The following PHF14 variants were observed in gnomAD, a reference collection of about 807,000 sequenced individuals.
The protein encoded by PHF14 is PHD finger protein 14.
In PHF14, 55 loss-of-function variants were observed where a neutral mutation model predicts 117.9. The ratio of observed to expected loss-of-function variants is 0.47; its 90% CI spans 0.38 to 0.58. The LOEUF (loss-of-function observed/expected upper bound fraction) is 0.58. Among genes scored for constraint, PHF14 ranks in the 20% least tolerant of loss-of-function variants. The pLI, the probability that PHF14 is intolerant of heterozygous loss-of-function variation, is 0.00. For synonymous variants in PHF14, 409 were observed against 368.6 expected (o/e 1.11, Z -1.26); for missense variants, 978 against 1,122.2 (o/e 0.87, Z 1.84).
chr7:11,149,574 A>T (rs1788648803), intron 17 of PHF14, among the ~76,000 whole-genome samples: 1 of 152,204 alleles, frequency 6.6e-6, no homozygotes, highest in Non-Finnish European at 1.5e-5. Context: ...TATCTTTTGA[A>T]TGCAAATTAC....
chr7:11,093,508 G>A (rs1193192072), intron 16 of PHF14, among the ~76,000 whole-genome samples: 1 of 152,138 alleles, frequency 6.6e-6, no homozygotes, highest in African/African-American at 2.4e-5. Context: ...TGTGTTTCTG[G>A]TTGAGGTTGT....
chr7:11,060,236 A>G (rs1230875750), intron 14 of PHF14, among the ~76,000 whole-genome samples: 1 of 152,140 alleles, frequency 6.6e-6, no homozygotes, highest in African/African-American at 2.4e-5. Context: ...TTCTGATTTA[A>G]CCACTTATAA....
intron 14 of PHF14, among the ~76,000 whole-genome samples, chr7:11,059,081 G>T (rs1357880210): frequency 6.6e-6 from 1 of 152,006 alleles, no homozygotes; most frequent in Non-Finnish European, 1.5e-5. Flanking sequence ...TATATGAGAA[G>T]AAATTTATAA....
chr7:11,151,287 G>A (rs994495933), intron 17 of PHF14, among the ~76,000 whole-genome samples: 26 of 152,264 alleles, frequency 1.7e-4, no homozygotes, highest in Non-Finnish European at 3.8e-4. Flanking sequence ...CAGGCACAGT[G>A]TTTCTCACCT....
chr7:11,078,935 T>G (rs563816105), intron 16 of PHF14, among the ~76,000 whole-genome samples: 1 of 152,258 alleles, frequency 6.6e-6, no homozygotes, highest in South Asian at 2.1e-4. Context: ...ATTATCTACA[T>G]AAGTATTTTT....
chr7:11,072,113 G>A (rs1042151983), intron 16 of PHF14, among the ~76,000 whole-genome samples: 3 of 152,062 alleles, frequency 2.0e-5, no homozygotes, highest in South Asian at 2.1e-4. Flanking sequence ...ATTGACTTAC[G>A]GCTCTGCAGG....
At chr7:11,142,371 C>G (rs1788424719) in intron 17 of PHF14, among the ~76,000 whole-genome samples, 1 of 151,926 alleles carries the variant, frequency 6.6e-6, no homozygotes, top group Admixed American at 6.6e-5. Context: ...TGTGCCTGTT[C>G]TGTTTATATA....
At chr7:11,159,131 G>A (rs967628169) in intron 17 of PHF14, among the ~76,000 whole-genome samples, 17 of 152,116 alleles carry the variant, frequency 1.1e-4, no homozygotes, top group African/African-American at 9.6e-5. Context: ...GTGAAATCAA[G>A]TTCTTATGTA....
chr7:11,081,883 T>G (rs1272047859), intron 16 of PHF14, among the ~76,000 whole-genome samples: 1 of 152,072 alleles, frequency 6.6e-6, no homozygotes, highest in African/African-American at 2.4e-5. Flanking sequence ...TTTATGATCT[T>G]AATTTTTTAT....
rs575958567 is a variant in PHF14, at chr7:11,020,724, T to C, written c.1206-2144T>C. On this transcript the variant is annotated intron_variant, in intron 5 of 17. Transcript: ENST00000634607. ...TTAAAATTCTAGATTTAGTAAGTCT[T>C]AGTTCTGTCCCTTGCTAGACTTGTT... Among the ~76,000 whole-genome samples, 4 of 152,272 alleles carry C rather than the reference T, an allele frequency of 2.6e-5. No individual in the cohort carries two copies. The South Asian group carries it at 8.3e-4, about 32-fold the overall frequency.
At chr7:11,005,100 GT>G (rs552529336) in intron 4 of PHF14, among the ~76,000 whole-genome samples, 82 of 149,314 alleles carry the variant, frequency 5.5e-4, no homozygotes, top group African/African-American at 1.8e-3. Flanking sequence ...AATTTTAAAG[GT>G]TTTTTTTTTC....
intron 4 of PHF14, among the ~76,000 whole-genome samples, chr7:10,994,704 G>A (rs562110757): frequency 2.6e-5 from 4 of 152,172 alleles, no homozygotes; most frequent in Non-Finnish European, 2.9e-5. Context: ...CGGCGTGTCC[G>A]GAGTTTGCTC....
At chr7:11,001,302 A>G (rs10263323) in intron 4 of PHF14, among the ~76,000 whole-genome samples, 17,173 of 152,160 alleles carry the variant, frequency 0.11, 1,181 homozygotes, top group African/African-American at 0.2. Flanking sequence ...CTGCAGCTTC[A>G]TAGTAAGTCT....
intron 14 of PHF14, 72 bp downstream of exon 14, chr7:11,051,852 C>T (rs2128326800): frequency 2.4e-6 from 3 of 1,240,492 alleles, no homozygotes; most frequent in South Asian, 1.4e-5. Flanking sequence ...GAGAAAGACA[C>T]AGGGCAAACA....
intron 17 of PHF14, among the ~76,000 whole-genome samples, chr7:11,160,093 G>C (rs530966681): frequency 2.6e-5 from 4 of 152,074 alleles, no homozygotes; most frequent in Admixed American, 2.0e-4. Context: ...GTAGTCTCCA[G>C]TGTCTATTAT....
intron 6 of PHF14, among the ~76,000 whole-genome samples, chr7:11,027,139 A>T (rs139352043): frequency 2.4e-4 from 37 of 152,314 alleles, no homozygotes; most frequent in African/African-American, 8.9e-4. Flanking sequence ...CTCAATTTCA[A>T]CATATTACAT....
intron 4 of PHF14, among the ~76,000 whole-genome samples, chr7:11,003,627 C>T (rs111861141): frequency 1.0e-3 from 155 of 152,314 alleles, no homozygotes; most frequent in African/African-American, 3.4e-3. Flanking sequence ...CCAAGTCCAT[C>T]CTTCTGCAGA....
At chr7:11,008,859 C>T (rs1436966908) in intron 4 of PHF14, among the ~76,000 whole-genome samples, 6 of 151,710 alleles carry the variant, frequency 4.0e-5, no homozygotes, top group Admixed American at 3.9e-4. Context: ...CATGGTGAAA[C>T]CCCGTCTCTA....
chr7:11,027,391 C>G (rs532659708), intron 6 of PHF14, among the ~76,000 whole-genome samples: 1 of 152,134 alleles, frequency 6.6e-6, no homozygotes, highest in Middle Eastern at 3.5e-3. Context: ...TTATGTAGTT[C>G]ACTTTGAATA....
Sources: gnomAD v4.1 joint callset for allele counts (sites outside exome capture counted in the v4.1 genomes callset) on GRCh38, gnomAD v4.1.1 for gene constraint, MANE v1.5 for transcripts, NCBI Gene and HGNC (gene_info 2026-07-23, HGNC 2026-07-21) for gene names.